The following PPP4R3A variants were observed in gnomAD, a reference collection of about 807,000 sequenced individuals.
The protein encoded by PPP4R3A is protein phosphatase 4 regulatory subunit 3A.
A neutral mutation model predicts 91.7 loss-of-function variants in PPP4R3A; 15 were observed. The observed-to-expected ratio is 0.16, with a 90% confidence interval of 0.11 to 0.25. PPP4R3A has a LOEUF of 0.25. PPP4R3A is among the 10% of genes least tolerant of loss of function. PPP4R3A has a pLI of 1.00. For synonymous variants in PPP4R3A, 377 were observed against 348.7 expected, an observed-to-expected ratio of 1.08 and a Z score of -0.91; for missense variants, 623 against 998.4, an observed-to-expected ratio of 0.62 and a Z score of 5.07.
At chr14:91,497,297 C>G (rs1159370132) in intron 1 of PPP4R3A, among the ~76,000 whole-genome samples, 2 of 151,886 alleles carry the variant, frequency 1.3e-5, no homozygotes, top group East Asian at 1.9e-4. Flanking sequence ...TCTATCCTCT[C>G]CAATGAAACA....
chr14:91,485,910 A>G (rs1227584765), intron 2 of PPP4R3A, among the ~76,000 whole-genome samples, 180 bp from the exon 3 acceptor site: 1 of 152,216 alleles, frequency 6.6e-6, no homozygotes, highest in Non-Finnish European at 1.5e-5. Flanking sequence ...CCAATCTATA[A>G]AACAAAAATA....
intron 11 of PPP4R3A, among the ~76,000 whole-genome samples, chr14:91,463,635 T>C (rs545656669): frequency 6.6e-6 from 1 of 151,876 alleles, no homozygotes; most frequent in South Asian, 2.1e-4. Context: ...GATGGGGTCT[T>C]GATATGTTGC....
At chr14:91,504,987 T>C (rs1370114336) in intron 1 of PPP4R3A, among the ~76,000 whole-genome samples, 1 of 152,200 alleles carries the variant, frequency 6.6e-6, no homozygotes, top group African/African-American at 2.4e-5. Context: ...ACCCAGCCTT[T>C]CTATACCCAT....
chr14:91,509,715 G>A lies in PPP4R3A; in HGVS notation c.-68C>T, dbSNP rs1336399560. On this transcript the variant is annotated 5_prime_UTR_variant, in exon 1 of 15. Transcript: ENST00000554943. ...CCCAGGAAAGGGGCCCTGGAGAGGC[G>A]AGGGGCGAGGCGTGAGGGCGCCCGC... The A allele has an allele frequency of 2.0e-6, 3 of 1,502,198 alleles. No homozygotes were observed. The highest frequency in any genetic ancestry group is 2.6e-6 in the Non-Finnish European group (3 of 1,133,418). The allele number at this position is 1,502,198 out of a possible 1,614,324, so 93.1% of individuals were successfully genotyped here.
chr14:91,504,245 C>G (rs1449660315), intron 1 of PPP4R3A, among the ~76,000 whole-genome samples: 2 of 150,432 alleles, frequency 1.3e-5, no homozygotes, highest in Non-Finnish European at 3.0e-5. Flanking sequence ...GGAAGATCAA[C>G]TGAGCCCAGA....
At chr14:91,485,817 A>G (rs535491958) in intron 2 of PPP4R3A, 87 bp from the exon 3 acceptor site, 1 of 905,882 alleles carries the variant, frequency 1.1e-6, no homozygotes, top group East Asian at 2.6e-5. Flanking sequence ...AACTGTGCTC[A>G]TTTTTACTTT....
rs1890932506 is a variant in PPP4R3A, at chr14:91,501,266, A to G, written c.142+8240T>C. 2.0e-5 allele frequency among the ~76,000 whole-genome samples: 3 copies of G among 152,206 alleles called. No homozygotes were observed. In the South Asian group the frequency reaches 6.2e-4, roughly 32 times the overall value. On this transcript the variant is annotated intron_variant, in intron 1 of 14. Transcript: ENST00000554943. ...GGTTTAAGTAACTTTGGTCTTCACC[A>G]CAGCCCTGATTTGGATAAATACTGA...
chr14:91,487,486 T>C (rs1889969633), intron 2 of PPP4R3A, among the ~76,000 whole-genome samples: 1 of 152,118 alleles, frequency 6.6e-6, no homozygotes, highest in South Asian at 2.1e-4. Context: ...ACAAAGAGAA[T>C]TTAGAAGAGT....
chr14:91,495,301 A>ACTGTGTGTGTGTGTGTGTGTGTGT (rs1163043476), intron 1 of PPP4R3A, among the ~76,000 whole-genome samples: 1 of 24,948 alleles, frequency 4.0e-5, no homozygotes, highest in Non-Finnish European at 7.7e-5. Context: ...CCAGATACAT[A>ACTGTGTGTGTGTGTGTGTGTGTGT]ATGTGTGTGT....
chr14:91,497,676 G>C (rs767718521), intron 1 of PPP4R3A, among the ~76,000 whole-genome samples: 8 of 152,124 alleles, frequency 5.3e-5, no homozygotes, highest in Non-Finnish European at 7.3e-5. Context: ...CCAGTACCAA[G>C]ACTGAAAATT....
intron 1 of PPP4R3A, among the ~76,000 whole-genome samples, chr14:91,496,305 C>A (rs970711417): frequency 6.6e-6 from 1 of 152,032 alleles, no homozygotes; most frequent in Admixed American, 6.6e-5. Flanking sequence ...TACTGCAATT[C>A]AAAAGTTTTT....
At chr14:91,504,804 G>C (rs1054119287) in intron 1 of PPP4R3A, among the ~76,000 whole-genome samples, 2 of 152,122 alleles carry the variant, frequency 1.3e-5, no homozygotes, top group African/African-American at 4.8e-5. Flanking sequence ...TACCATGACA[G>C]ATCTGCTCTG....
intron 9 of PPP4R3A, among the ~76,000 whole-genome samples, chr14:91,472,686 G>T (rs1888926471): frequency 6.6e-6 from 1 of 152,010 alleles, no homozygotes; most frequent in Non-Finnish European, 1.5e-5. Flanking sequence ...AGCCAGGATG[G>T]TCTCGATCTC....
intron 1 of PPP4R3A, among the ~76,000 whole-genome samples, chr14:91,498,171 CTAAAAATA>C (rs1890702063): frequency 6.6e-6 from 1 of 152,054 alleles, no homozygotes. Context: ...CCCGTCTCTA[CTAAAAATA>C]TAAAAATTAG....
chr14:91,465,331 T>C lies in PPP4R3A; in HGVS notation c.1749A>G (p.Val583=), dbSNP rs556981926. 3.1e-6 allele frequency: 5 copies of C among 1,610,192 alleles called. No individual in the cohort carries two copies. In the South Asian group the frequency reaches 4.4e-5, roughly 14 times the overall value. The part of the protein sequence containing the change: ...YIMKSFLFEP[V]VKAFLNNGSR... Reference sequence around the variant, plus strand: ...ATCCATTGTTGAGAAATGCTTTCACTACTGGTTCAAACAAAAAACTTTTCA... The same window carrying C: ...ATCCATTGTTGAGAAATGCTTTCACCACTGGTTCAAACAAAAAACTTTTCA... The change falls in exon 11 of 15, where the codon GTA becomes GTG. Residue 583 remains valine (V), a synonymous_variant. Transcript: ENST00000554943.
At chr14:91,497,796 G>T (rs533758156) in intron 1 of PPP4R3A, among the ~76,000 whole-genome samples, 2 of 152,256 alleles carry the variant, frequency 1.3e-5, no homozygotes, top group East Asian at 3.9e-4. Flanking sequence ...TATGGATAAA[G>T]ATTTCATTAG....
Position 91,509,560 on chromosome 14 carries a change from C to G in PPP4R3A, c.88G>C (p.Gly30Arg). 1 of 1,602,026 alleles carries G rather than the reference C, an allele frequency of 6.2e-7. No individual in the cohort carries two copies. The highest frequency in any genetic ancestry group is 8.5e-7 in the Non-Finnish European group (1 of 1,178,660). Reference sequence around the variant, plus strand: ...ATGCCCTTCAGCCGCTCCACGTAGCCAGACGACACATGCCCGGTGCCCCGG... The same window carrying G: ...ATGCCCTTCAGCCGCTCCACGTAGCGAGACGACACATGCCCGGTGCCCCGG... Reference protein sequence around the residue: ...DDRGTGHVSSGYVERLKGMSL... With the variant: ...DDRGTGHVSSRYVERLKGMSL... The change falls in exon 1 of 15, where the codon GGC (glycine) becomes CGC (arginine). Residue 30 changes from glycine to arginine, a missense_variant. Physicochemically the swap from Gly to Arg is moderately radical, Grantham distance 125. Coordinates refer to ENST00000554943, the MANE Select transcript of PPP4R3A (RefSeq NM_001366432.2).
intron 1 of PPP4R3A, among the ~76,000 whole-genome samples, chr14:91,493,841 C>T (rs1379394337): frequency 4.0e-5 from 6 of 148,996 alleles, no homozygotes; most frequent in Middle Eastern, 3.4e-3. Flanking sequence ...GGTGCAATCC[C>T]GGCTCACCAC....
chr14:91,466,940 A>AACACACACACACACACAC (rs10525073), intron 10 of PPP4R3A, among the ~76,000 whole-genome samples: 1,685 of 147,546 alleles, frequency 0.011, 22 homozygotes, highest in Middle Eastern at 0.059. Context: ...GTCCTACCAT[A>AACACACACACACACACAC]ACACACACAC....
Sources: gnomAD v4.1 joint callset for allele counts (sites outside exome capture counted in the v4.1 genomes callset) on GRCh38, gnomAD v4.1.1 for gene constraint, MANE v1.5 for transcripts, NCBI Gene and HGNC (gene_info 2026-07-23, HGNC 2026-07-21) for gene names.